RBL2: variants seen among roughly 807,000 people sequenced by gnomAD.
RBL2 encodes the protein RB transcriptional corepressor like 2, also known as retinoblastoma-like protein 2.
In RBL2, 56 loss-of-function variants were observed where a neutral mutation model predicts 126.0. That is an observed-to-expected ratio of 0.44 (90% CI 0.36 to 0.56). RBL2 has a LOEUF of 0.56. RBL2 is among the 20% of genes least tolerant of loss of function. The pLI is 0.00. For synonymous variants in RBL2, 454 were observed against 478.5 expected (o/e 0.95, Z 0.67); for missense variants, 1,229 against 1,398.2 (o/e 0.88, Z 1.93).
At position 53,481,802 on chromosome 16, in the gene RBL2, G is replaced by T; in HGVS notation, c.3216G>T (p.Lys1072Asn). Reference sequence around the variant, plus strand: ...AAACAATGCTTTCTCCTCGAGAAAAGATTTTCTATTACTTCAGCAACAGTC... The same window carrying T: ...AAACAATGCTTTCTCCTCGAGAAAATATTTTCTATTACTTCAGCAACAGTC... Reference protein sequence around the residue: ...KNETMLSPREKIFYYFSNSPS... With the variant: ...KNETMLSPRENIFYYFSNSPS... The change falls in exon 21 of 22, where the codon AAG (lysine) becomes AAT (asparagine). Residue 1072 changes from lysine (K) to asparagine (N), a missense_variant. Transcript: ENST00000262133. 4 of 1,591,754 alleles carry T rather than the reference G, an allele frequency of 2.5e-6. No homozygotes were observed. Among genetic ancestry groups the T allele is most frequent in the Non-Finnish European group, 3.4e-6 (4 of 1,159,816 alleles).
chr16:53,475,835 CTTTTTTTTTT>C (rs10540773), intron 17 of RBL2, among the ~76,000 whole-genome samples: 3 of 76,452 alleles, frequency 3.9e-5, no homozygotes, highest in Admixed American at 1.6e-4. Context: ...ATTTCAATAT[CTTTTTTTTTT>C]TTTTTTTTTT....
At chr16:53,449,638 G>T (rs1028338639) in intron 4 of RBL2, 2 of 149,342 alleles carry the variant, frequency 1.3e-5, no homozygotes, top group African/African-American at 4.9e-5. Context: ...CCACCACTGT[G>T]ATCTTTTATA....
At chr16:53,435,854 A>G (rs2057953795) in intron 1 of RBL2, 9 of 1,058,708 alleles carry the variant, frequency 8.5e-6, no homozygotes, top group Non-Finnish European at 1.1e-5. Flanking sequence ...CCCTCTTTGA[A>G]TTGTTAGGTC....
rs761141444 is a variant in RBL2 at position 53,434,622 on chromosome 16, T to TGAG, written c.78_80dup (p.Glu26dup). ...CCCCTCCGGCGGCGGCAGCCTCGGA[T>TGAG]GAGGAGGAGGAGGACGACGGCGAGG... On this transcript the variant is annotated inframe_insertion, in exon 1 of 22. Coordinates refer to ENST00000262133, the MANE Select transcript of RBL2 (RefSeq NM_005611.4). 30 of 1,558,106 alleles carry TGAG rather than the reference T, an allele frequency of 1.9e-5. No homozygotes were observed. Among genetic ancestry groups the TGAG allele is most frequent in the East Asian group, 2.4e-5 (1 of 42,180 alleles).
intron 17 of RBL2, among the ~76,000 whole-genome samples, chr16:53,472,060 C>T (rs1370085466): frequency 6.6e-6 from 1 of 152,130 alleles, no homozygotes; most frequent in Non-Finnish European, 1.5e-5. Context: ...ATAATATTTT[C>T]CAGGTTTACC....
At chr16:53,471,920 C>T (rs937746833) in intron 17 of RBL2, among the ~76,000 whole-genome samples, 5 of 152,224 alleles carry the variant, frequency 3.3e-5, no homozygotes, top group Non-Finnish European at 7.3e-5. Context: ...AGTAGTTTCT[C>T]CCCATTCTAC....
Position 53,457,262 on chromosome 16 carries a change from T to C in RBL2, c.1180-2189T>C, listed in dbSNP as rs1263784219. 4.3e-5 allele frequency among the ~76,000 whole-genome samples: 5 copies of C among 116,636 alleles called. 1 individual carries two copies. The highest frequency in any genetic ancestry group is 5.8e-4 in the South Asian group (2 of 3,436). The allele number at this position is 116,636 out of a possible 152,430, so 76.5% of individuals were successfully genotyped here. ...CATCAGGGTGGGTACAGATAGCTTT[T>C]TTTTTTTTTTTTTTTGAGATGGAGT... On this transcript the variant is annotated intron_variant, in intron 8 of 21. Coordinates refer to ENST00000262133, the MANE Select transcript of RBL2 (RefSeq NM_005611.4).
intron 17 of RBL2, among the ~76,000 whole-genome samples, chr16:53,477,486 A>G (rs1960774649): frequency 6.6e-6 from 1 of 152,092 alleles, no homozygotes; most frequent in Admixed American, 6.5e-5. Flanking sequence ...TACAGGGTGC[A>G]GGCATGTGCC....
intron 17 of RBL2, among the ~76,000 whole-genome samples, chr16:53,477,749 T>C (rs1960787272): frequency 6.6e-6 from 1 of 152,176 alleles, no homozygotes; most frequent in Admixed American, 6.5e-5. Context: ...TGTACTGTTG[T>C]AGGCAAATAT....
At chr16:53,484,761 C>T (rs199526022) in intron 21 of RBL2, among the ~76,000 whole-genome samples, 3 of 147,468 alleles carry the variant, frequency 2.0e-5, no homozygotes, top group African/African-American at 8.1e-5. Context: ...GATGGCTGCT[C>T]TGGGAACTCT....
rs1345826844 is a variant in RBL2, at chr16:53,464,227, G to T, written c.1562G>T (p.Gly521Val). 9 of 1,563,326 alleles carry T rather than the reference G, an allele frequency of 5.8e-6. No homozygotes were observed. Among genetic ancestry groups the T allele is most frequent in the South Asian group, 2.4e-5 (2 of 82,912 alleles). Residue 521 changes from glycine to valine, a missense_variant and splice_region_variant, in exon 12 of 22, where the codon GGT (glycine) becomes GTT (valine). By Grantham distance (109) the Gly-to-Val change is moderately radical. Coordinates refer to ENST00000262133, the MANE Select transcript of RBL2 (RefSeq NM_005611.4). Reference protein sequence around the residue: ...QKRLGDMDLSGILEQDAFHRS... With the variant: ...QKRLGDMDLSVILEQDAFHRS... ...AATGCTAATAACTTTATTTTATAGGGTATTCTGGAACAAGATGCGTTCCAC... is the reference window on the plus strand; with the variant it reads ...AATGCTAATAACTTTATTTTATAGGTTATTCTGGAACAAGATGCGTTCCAC...
chr16:53,448,399 C>T (rs1298790638), intron 4 of RBL2, among the ~76,000 whole-genome samples: 1 of 152,084 alleles, frequency 6.6e-6, no homozygotes, highest in Non-Finnish European at 1.5e-5. Flanking sequence ...CCTCGTGATC[C>T]ACCTGCGTCA....
rs767543528 is a variant in RBL2, at chr16:53,448,446, C to T, written c.637+1340C>T. On this transcript the variant is annotated intron_variant, in intron 4 of 21. Transcript: ENST00000262133. The stretch of plus-strand genomic sequence containing the variant: ...TGCTGGGCTTACAGGCGTGAGCCAT[C>T]GCACCCGGCCTAGCTTAACTCATTT... Among the ~76,000 whole-genome samples, 52 of 151,982 alleles carry T rather than the reference C, an allele frequency of 3.4e-4. No individual in the cohort carries two copies. In the Middle Eastern group the frequency reaches 0.017, roughly 50 times the overall value.
chr16:53,453,401 A>T (rs1039063514), intron 5 of RBL2, 51 bp from the exon 6 acceptor site: 2 of 1,499,574 alleles, frequency 1.3e-6, no homozygotes, highest in Non-Finnish European at 1.8e-6. Flanking sequence ...TTTATTACAA[A>T]TTGGCTTATT....
At chr16:53,441,309 A>G (rs1271656023) in intron 2 of RBL2, among the ~76,000 whole-genome samples, 1 of 152,128 alleles carries the variant, frequency 6.6e-6, no homozygotes. Context: ...AATTGACACA[A>G]CTACTTTACT....
At chr16:53,473,749 A>G (rs1038984767) in intron 17 of RBL2, among the ~76,000 whole-genome samples, 31 of 152,162 alleles carry the variant, frequency 2.0e-4, no homozygotes, top group African/African-American at 7.2e-4. Context: ...GTTTTTCACT[A>G]TTAAAGTATG....
chr16:53,485,585 T>G (rs1961134184), intron 21 of RBL2, among the ~76,000 whole-genome samples: 1 of 152,164 alleles, frequency 6.6e-6, no homozygotes, highest in African/African-American at 2.4e-5. Context: ...CTGGGTGCTG[T>G]GTCTCATGCC....
intron 20 of RBL2, 85 bp from the exon 21 acceptor site, chr16:53,481,586 C>A: frequency 8.2e-7 from 1 of 1,221,148 alleles, no homozygotes; most frequent in Non-Finnish European, 1.1e-6. Flanking sequence ...ACTGGTTTAG[C>A]ACACCTCTTC....
At chr16:53,490,086 G>GTGCATT in intron 21 of RBL2, 44 bp from the exon 22 acceptor site, 2 of 1,431,532 alleles carry the variant, frequency 1.4e-6, no homozygotes, top group Non-Finnish European at 1.9e-6. Context: ...ACTGAGCTAT[G>GTGCATT]TGCATTTGCA....
Sources: gnomAD v4.1 joint callset for allele counts (sites outside exome capture counted in the v4.1 genomes callset) on GRCh38, gnomAD v4.1.1 for gene constraint, MANE v1.5 for transcripts, NCBI Gene and HGNC (gene_info 2026-07-23, HGNC 2026-07-21) for gene names.